Variants in PRKAG2 observed in about 807,000 individuals in gnomAD.
PRKAG2 encodes protein kinase AMP-activated non-catalytic subunit gamma 2, also known as 5'-AMP-activated protein kinase subunit gamma-2.
In PRKAG2, 26 loss-of-function variants were observed where a neutral mutation model predicts 69.6. The ratio of observed to expected loss-of-function variants is 0.37; its 90% CI spans 0.27 to 0.52. The LOEUF is 0.52. Among genes scored for constraint, PRKAG2 ranks in the 20% least tolerant of loss-of-function variants. The probability of loss-of-function intolerance (pLI) is 0.90; values close to 1 mark genes in which losing one functional copy is unlikely to be tolerated. For missense variants in PRKAG2, 557 were observed against 740.0 expected (o/e 0.75, Z 2.87); for synonymous variants, 293 against 285.0 (o/e 1.03, Z -0.28).
At chr7:151,816,895 T>A (rs1324588477) in intron 1 of PRKAG2, among the ~76,000 whole-genome samples, 1 of 152,152 alleles carries the variant, frequency 6.6e-6, no homozygotes, top group Non-Finnish European at 1.5e-5. Flanking sequence ...GTCAGAGAAA[T>A]GGGCTCCGTC....
At chr7:151,652,552 G>A (rs1828709284) in intron 4 of PRKAG2, among the ~76,000 whole-genome samples, 1 of 151,708 alleles carries the variant, frequency 6.6e-6, no homozygotes, top group Non-Finnish European at 1.5e-5. Flanking sequence ...AATCTTCTCT[G>A]TATCATCCCA....
At position 151,611,171 on chromosome 7, in the gene PRKAG2, G is replaced by A. The variant is rs140598879; in HGVS notation, c.755-15717C>T. 9.3e-4 allele frequency among the ~76,000 whole-genome samples: 142 copies of A among 152,314 alleles called. 1 individual carries two copies. The highest frequency in any genetic ancestry group is 3.3e-3 in the African/African-American group (138 of 41,572). On this transcript the variant is annotated intron_variant, in intron 5 of 15. Transcript: ENST00000287878. ...CAGAGAAGAGATGCGTGCAGGGTGG[G>A]AGCAGAGCACACTGGGGTCAGAATG...
intron 1 of PRKAG2, among the ~76,000 whole-genome samples, chr7:151,849,055 G>A (rs2079508267): frequency 6.6e-6 from 1 of 152,164 alleles, no homozygotes; most frequent in African/African-American, 2.4e-5. Context: ...CCTGCAGGGT[G>A]TTCTGAACGA....
At chr7:151,689,717 C>T (rs1835356238) in intron 3 of PRKAG2, among the ~76,000 whole-genome samples, 1 of 152,172 alleles carries the variant, frequency 6.6e-6, no homozygotes, top group Admixed American at 6.5e-5. Context: ...GGACTCCAAC[C>T]AGGGCTCTCC....
intron 1 of PRKAG2, among the ~76,000 whole-genome samples, chr7:151,867,950 A>C (rs1196681874): frequency 6.6e-6 from 1 of 152,198 alleles, no homozygotes; most frequent in Non-Finnish European, 1.5e-5. Flanking sequence ...CCCTGGAAGA[A>C]GGCCAGCAGA....
In PRKAG2 at chr7:151,757,977, C is replaced by T. The variant is rs555654685; in HGVS notation, c.466+23175G>A. Among the ~76,000 whole-genome samples the T allele has an allele frequency of 1.8e-3, 270 of 152,330 alleles. 1 individual carries two copies. Among genetic ancestry groups the T allele is most frequent in the African/African-American group, 6.1e-3 (253 of 41,574 alleles). ...AAACCACTGCTGCGATGAAGCCCTG[C>T]GGCTCCGCTTTACCATCTCAGTGCT... is the stretch of plus-strand genomic sequence containing the variant. On this transcript the variant is annotated intron_variant, in intron 3 of 15. Coordinates refer to ENST00000287878, the MANE Select transcript of PRKAG2 (RefSeq NM_016203.4).
chr7:151,856,652 G>A (rs2079783479), intron 1 of PRKAG2, among the ~76,000 whole-genome samples: 1 of 152,232 alleles, frequency 6.6e-6, no homozygotes, highest in East Asian at 1.9e-4. Flanking sequence ...ATATGTGAAA[G>A]ACGTTAAGTC....
At chr7:151,560,308 GCTCT>G (rs1804625137) in intron 15 of PRKAG2, 1 of 1,457,358 alleles carries the variant, frequency 6.9e-7, no homozygotes, top group East Asian at 2.8e-5. Context: ...TTGATAGGAT[GCTCT>G]TAACTTCGAA....
At chr7:151,715,554 C>G (rs1207932037) in intron 3 of PRKAG2, among the ~76,000 whole-genome samples, 1 of 151,966 alleles carries the variant, frequency 6.6e-6, no homozygotes, top group Non-Finnish European at 1.5e-5. Flanking sequence ...CGGGGTTTCA[C>G]CATATTGGTC....
chr7:151,862,014 G>T (rs190767126), intron 1 of PRKAG2, among the ~76,000 whole-genome samples: 10 of 151,866 alleles, frequency 6.6e-5, no homozygotes, highest in African/African-American at 2.2e-4. Flanking sequence ...TCCCCTCAGT[G>T]GACGGATGCT....
chr7:151,784,842 T>C (rs904456890), intron 2 of PRKAG2, among the ~76,000 whole-genome samples: 2 of 152,138 alleles, frequency 1.3e-5, no homozygotes, highest in Non-Finnish European at 2.9e-5. Context: ...GTCCTGTCTC[T>C]GGAAAATGGC....
chr7:151,603,624 C>A (rs935456578), intron 5 of PRKAG2, among the ~76,000 whole-genome samples: 1 of 150,804 alleles, frequency 6.6e-6, no homozygotes, highest in Non-Finnish European at 1.5e-5. Flanking sequence ...TCACCGCACA[C>A]GGAGGGACCC....
At chr7:151,860,513 C>T (rs2079892155) in intron 1 of PRKAG2, among the ~76,000 whole-genome samples, 2 of 152,094 alleles carry the variant, frequency 1.3e-5, no homozygotes, top group Non-Finnish European at 2.9e-5. Context: ...GGTTTCATCT[C>T]CCATTGGGAA....
intron 3 of PRKAG2, among the ~76,000 whole-genome samples, chr7:151,763,150 T>A (rs2075523860): frequency 6.6e-6 from 1 of 152,194 alleles, no homozygotes; most frequent in South Asian, 2.1e-4. Context: ...TCGCCTTAAT[T>A]GTCGGGTGGG....
Position 151,873,876 on chromosome 7 carries a change from C to T in PRKAG2, c.114+2631G>A, listed in dbSNP as rs570482651. Among the ~76,000 whole-genome samples the T allele has an allele frequency of 3.9e-5, 6 of 152,244 alleles. No individual in the cohort carries two copies. The South Asian group carries it at 1.0e-3, about 26-fold the overall frequency. On this transcript the variant is annotated intron_variant, in intron 1 of 15. Transcript: ENST00000287878. ...TGGAACCAGCCTCAGCATGTGGCTG[C>T]CACACAAAATGGCCCAACCACTGGA...
intron 3 of PRKAG2, among the ~76,000 whole-genome samples, chr7:151,677,868 G>A (rs1833195462): frequency 6.6e-6 from 1 of 152,238 alleles, no homozygotes; most frequent in Non-Finnish European, 1.5e-5. Context: ...TGGGCTCTCG[G>A]AGTCTACTCT....
intron 1 of PRKAG2, among the ~76,000 whole-genome samples, chr7:151,823,950 C>A (rs968485307): frequency 6.6e-6 from 1 of 152,088 alleles, no homozygotes; most frequent in Non-Finnish European, 1.5e-5. Flanking sequence ...CTGATAGCAC[C>A]CACCCACCTC....
At chr7:151,816,843 AG>A (rs2078656081) in intron 1 of PRKAG2, among the ~76,000 whole-genome samples, 1 of 152,160 alleles carries the variant, frequency 6.6e-6, no homozygotes, top group African/African-American at 2.4e-5. Context: ...TACGAGCCTG[AG>A]GAAAAAAGCC....
At chr7:151,819,078 G>T (rs114008100) in intron 1 of PRKAG2, among the ~76,000 whole-genome samples, 5,725 of 152,312 alleles carry the variant, frequency 0.038, 106 homozygotes, top group Non-Finnish European at 0.043. Flanking sequence ...TGAGTCAGGA[G>T]GATGGCACAG....
Sources: gnomAD v4.1 joint callset for allele counts (sites outside exome capture counted in the v4.1 genomes callset) on GRCh38, gnomAD v4.1.1 for gene constraint, MANE v1.5 for transcripts, NCBI Gene and HGNC (gene_info 2026-07-23, HGNC 2026-07-21) for gene names.